WDR72: variants seen among roughly 807,000 people sequenced by gnomAD.
WDR72 encodes WD repeat-containing protein 72.
Under a neutral mutation model 124.2 loss-of-function variants are expected in WDR72, and 120 were observed. The ratio of observed to expected loss-of-function variants is 0.97; its 90% CI spans 0.83 to 1.12. The LOEUF is 1.12. WDR72 is among the 50% of genes most tolerant of loss of function. The probability of loss-of-function intolerance (pLI) is 0.00; values close to 1 mark genes in which losing one functional copy is unlikely to be tolerated. For synonymous variants in WDR72, 452 were observed against 441.7 expected (o/e 1.02, Z -0.29); for missense variants, 1,387 against 1,278.8 (o/e 1.08, Z -1.29).
chr15:53,516,044 T>G lies in WDR72; in HGVS notation c.*1655A>C, dbSNP rs1362247672. ...AGAAAATATAATCCATCGCCTAACTTGCTACCTTCCTTTATTTTGAAACTT... is the reference window on the plus strand; with the variant it reads ...AGAAAATATAATCCATCGCCTAACTGGCTACCTTCCTTTATTTTGAAACTT... On this transcript the variant is annotated 3_prime_UTR_variant, in exon 20 of 20. Transcript: ENST00000360509. 6.6e-6 allele frequency: 1 copy of G among 152,106 alleles called. No homozygotes were observed. Among genetic ancestry groups the G allele is most frequent in the African/African-American group, 2.4e-5 (1 of 41,432 alleles). 9.4% of individuals were successfully genotyped at this position (152,106 alleles called of 1,614,324 possible).
intron 2 of WDR72, among the ~76,000 whole-genome samples, chr15:53,732,221 T>C (rs1458317168): frequency 6.6e-6 from 1 of 152,164 alleles, no homozygotes; most frequent in East Asian, 1.9e-4. Context: ...CACTATAAAA[T>C]AGAATTACAA....
At chr15:53,561,313 A>G (rs967823825) in intron 18 of WDR72, among the ~76,000 whole-genome samples, 7 of 151,854 alleles carry the variant, frequency 4.6e-5, no homozygotes, top group African/African-American at 1.7e-4. Flanking sequence ...TGAGGAAAAA[A>G]GCAAACATAT....
intron 18 of WDR72, among the ~76,000 whole-genome samples, chr15:53,527,272 C>G (rs1436918402): frequency 2.0e-5 from 3 of 152,088 alleles, no homozygotes; most frequent in Non-Finnish European, 4.4e-5. Flanking sequence ...GCTCTGTTCT[C>G]TATTTTGGTT....
chr15:53,717,493 T>C (rs921982740), intron 3 of WDR72, among the ~76,000 whole-genome samples: 2 of 152,162 alleles, frequency 1.3e-5, no homozygotes, highest in African/African-American at 4.8e-5. Context: ...CTGTATGCAT[T>C]TGGTGATTTG....
At chr15:53,517,829 G>C in intron 19 of WDR72, 75 bp from the exon 20 acceptor site, 1 of 1,396,734 alleles carries the variant, frequency 7.2e-7, no homozygotes, top group East Asian at 2.3e-5. Flanking sequence ...CAAGAGGAGG[G>C]GAGGGAGAGA....
At chr15:53,570,062 T>G (rs1894452737) in intron 18 of WDR72, among the ~76,000 whole-genome samples, 1 of 152,086 alleles carries the variant, frequency 6.6e-6, no homozygotes, top group Non-Finnish European at 1.5e-5. Flanking sequence ...TTCTAATAGG[T>G]GAGAATGTAT....
intron 11 of WDR72, 142 bp downstream of exon 11, chr15:53,704,846 T>C (rs1053742481): frequency 6.0e-6 from 6 of 999,742 alleles, no homozygotes; most frequent in Non-Finnish European, 8.6e-6. Flanking sequence ...ATATGTATGT[T>C]TTACTTTAAC....
At chr15:53,558,550 A>G (rs571016861) in intron 18 of WDR72, among the ~76,000 whole-genome samples, 3 of 152,048 alleles carry the variant, frequency 2.0e-5, no homozygotes, top group Non-Finnish European at 4.4e-5. Flanking sequence ...AAGGAGAAGC[A>G]AAGATTATTT....
intron 18 of WDR72, among the ~76,000 whole-genome samples, chr15:53,584,763 T>G (rs1034573230): frequency 2.0e-5 from 3 of 152,010 alleles, no homozygotes; most frequent in Non-Finnish European, 4.4e-5. Context: ...TCCCATGTCC[T>G]GCCCACACCA....
chr15:53,649,381 T>C (rs2015152967), intron 14 of WDR72, among the ~76,000 whole-genome samples: 1 of 152,202 alleles, frequency 6.6e-6, no homozygotes, highest in Admixed American at 6.5e-5. Context: ...TTTAATTGTA[T>C]GCAAAATATT....
intron 14 of WDR72, among the ~76,000 whole-genome samples, chr15:53,657,286 AAAAG>A (rs2015462034): frequency 1.3e-5 from 2 of 150,426 alleles, no homozygotes; most frequent in Non-Finnish European, 3.0e-5. Context: ...AAAAAAAAAA[AAAAG>A]AAAGAAGGAA....
At chr15:53,571,192 T>C (rs1317012621) in intron 18 of WDR72, among the ~76,000 whole-genome samples, 1 of 152,020 alleles carries the variant, frequency 6.6e-6, no homozygotes, top group East Asian at 1.9e-4. Flanking sequence ...GGGTACTATG[T>C]TTATTACTTG....
intron 18 of WDR72, among the ~76,000 whole-genome samples, chr15:53,575,537 T>C (rs997228733): frequency 6.6e-5 from 10 of 152,158 alleles, no homozygotes; most frequent in Non-Finnish European, 1.5e-4. Context: ...GTCTAAAACA[T>C]TGATATCTCA....
intron 17 of WDR72, among the ~76,000 whole-genome samples, chr15:53,607,243 T>C (rs2013325160): frequency 6.6e-6 from 1 of 151,704 alleles, no homozygotes; most frequent in Non-Finnish European, 1.5e-5. Flanking sequence ...ACAGATGAGG[T>C]ACTCTCAGAA....
chr15:53,654,612 G>A (rs2015352388), intron 14 of WDR72, among the ~76,000 whole-genome samples: 1 of 152,144 alleles, frequency 6.6e-6, no homozygotes, highest in Non-Finnish European at 1.5e-5. Flanking sequence ...CATCATCTGA[G>A]GTACTGTGTG....
In WDR72 at chr15:53,714,429, C is replaced by G. The variant is rs770504366; in HGVS notation, c.591+5G>C. 1 of 1,612,822 alleles carries G rather than the reference C, an allele frequency of 6.2e-7. No individual in the cohort carries two copies. The highest frequency in any genetic ancestry group is 8.5e-7 in the Non-Finnish European group (1 of 1,179,128). ...AGGAAAAAAGAGTAGGGTTCCCAAG[C>G]CAACCTGAATGCTGTTGATAGATGA... On this transcript the variant is annotated splice_donor_5th_base_variant and intron_variant, in intron 6 of 19. Coordinates refer to ENST00000360509, the MANE Select transcript of WDR72 (RefSeq NM_182758.4).
chr15:53,725,395 G>A (rs932488797), intron 2 of WDR72, among the ~76,000 whole-genome samples: 19 of 152,148 alleles, frequency 1.2e-4, no homozygotes, highest in Admixed American at 1.1e-3. Flanking sequence ...AAAGAGTACA[G>A]TAGTTTCATA....
At chr15:53,538,886 T>C (rs1892909833) in intron 18 of WDR72, among the ~76,000 whole-genome samples, 2 of 152,162 alleles carry the variant, frequency 1.3e-5, no homozygotes, top group Non-Finnish European at 2.9e-5. Context: ...CATTTAGATA[T>C]AAGTAGTGCC....
intron 14 of WDR72, among the ~76,000 whole-genome samples, chr15:53,649,440 G>A (rs1414838029): frequency 2.0e-5 from 3 of 152,038 alleles, no homozygotes; most frequent in Admixed American, 1.3e-4. Context: ...AATTTTATGT[G>A]TTAAATCCCC....
Sources: allele counts gnomAD v4.1 joint callset (sites outside exome capture counted in the v4.1 genomes callset), GRCh38; gene constraint gnomAD v4.1.1; transcripts MANE v1.5; gene names NCBI Gene and HGNC (gene_info 2026-07-23, HGNC 2026-07-21).